LPGAT1: variants seen among roughly 807,000 people sequenced by gnomAD.
The protein encoded by LPGAT1 is lysophosphatidylglycerol acyltransferase 1, also known as acyl-CoA:lysophosphatidylglycerol acyltransferase 1.
A neutral mutation model predicts 47.5 loss-of-function variants in LPGAT1; 11 were observed. That is an observed-to-expected ratio of 0.23 (90% confidence interval 0.15 to 0.38). LPGAT1 has a LOEUF of 0.38. Among genes scored for constraint, LPGAT1 ranks in the 10% least tolerant of loss-of-function variants. The probability of loss-of-function intolerance (pLI) is 1.00; values close to 1 mark genes in which losing one functional copy is unlikely to be tolerated. For synonymous variants in LPGAT1, 138 were observed against 144.2 expected (o/e 0.96, Z 0.31); for missense variants, 293 against 439.0 (o/e 0.67, Z 2.97).
At chr1:211,767,924 T>C (rs1208054789) in intron 6 of LPGAT1, among the ~76,000 whole-genome samples, 1 of 152,202 alleles carries the variant, frequency 6.6e-6, no homozygotes, top group Admixed American at 6.5e-5. Flanking sequence ...CATATATCAT[T>C]ACTGTACCCG....
rs1008749476 is a variant in LPGAT1, at chr1:211,744,985, T to C, written c.*4914A>G. 1 of 152,584 alleles carries C rather than the reference T, an allele frequency of 6.6e-6. No homozygotes were observed. The highest frequency in any genetic ancestry group is 1.5e-5 in the Non-Finnish European group (1 of 68,028). The allele number at this position is 152,584 out of a possible 1,614,324, so 9.5% of individuals were successfully genotyped here. On this transcript the variant is annotated 3_prime_UTR_variant, in exon 8 of 8. Coordinates refer to ENST00000366997, the MANE Select transcript of LPGAT1 (RefSeq NM_014873.3). ...CTGCTAAGAATTAAAAGCACTTTAA[T>C]TGAAAAAAATCAACTTTATTTTTTC...
At chr1:211,829,575 A>G in intron 1 of LPGAT1, 1 of 1,304,800 alleles carries the variant, frequency 7.7e-7, no homozygotes, top group South Asian at 1.8e-5. Context: ...AAATGATAAC[A>G]CAATTCCCAT....
chr1:211,830,345 A>T lies in LPGAT1; in HGVS notation c.-28+228T>A. On this transcript the variant is annotated intron_variant, in intron 1 of 7. Transcript: ENST00000366997. This position sits in a 1 kb window ranked among gnomAD's most constrained non-coding sequence, Gnocchi z 5.9. ...CTCGCGGCTGCCTGCGGACAGAGGG[A>T]CGGCGGGGACTCAGAGGCCGGACCT... is the stretch of plus-strand genomic sequence containing the variant. 8.8e-7 allele frequency: 1 copy of T among 1,139,012 alleles called. No individual in the cohort carries two copies. Among genetic ancestry groups the T allele is most frequent in the Non-Finnish European group, 1.1e-6 (1 of 928,758 alleles). The allele number at this position is 1,139,012 out of a possible 1,614,324, so 70.6% of individuals were successfully genotyped here. A position where few individuals can be genotyped will look rare whatever the true frequency, so the allele number is the denominator to read the frequency against.
intron 6 of LPGAT1, among the ~76,000 whole-genome samples, chr1:211,752,441 C>T (rs1354419270): frequency 6.6e-6 from 1 of 151,286 alleles, no homozygotes; most frequent in African/African-American, 2.4e-5. Flanking sequence ...ACTTCTGCTT[C>T]TTATAGATTA....
At chr1:211,800,035 T>TTTA (rs58672865) in intron 2 of LPGAT1, among the ~76,000 whole-genome samples, 18,068 of 150,922 alleles carry the variant, frequency 0.12, 1,279 homozygotes, top group Non-Finnish European at 0.15. Flanking sequence ...ACTACCATTC[T>TTTA]TTATTATTAT....
intron 6 of LPGAT1, among the ~76,000 whole-genome samples, chr1:211,758,028 C>A (rs1571695958): frequency 1.3e-5 from 2 of 152,198 alleles, no homozygotes. Context: ...GAAAAATGTT[C>A]TGTGCTCACC....
intron 5 of LPGAT1, among the ~76,000 whole-genome samples, chr1:211,782,879 T>C (rs895242615): frequency 3.3e-5 from 5 of 152,248 alleles, no homozygotes; most frequent in Admixed American, 2.0e-4. Flanking sequence ...TCTATAGTTA[T>C]ATCTTTTAGC....
intron 6 of LPGAT1, among the ~76,000 whole-genome samples, chr1:211,758,047 C>T (rs1657537657): frequency 6.6e-6 from 1 of 152,324 alleles, no homozygotes; most frequent in Non-Finnish European, 1.5e-5. Context: ...CCATATAATG[C>T]TAGGCTTACA....
intron 2 of LPGAT1, among the ~76,000 whole-genome samples, chr1:211,807,885 AT>A (rs1659819859): frequency 6.6e-6 from 1 of 152,150 alleles, no homozygotes; most frequent in Non-Finnish European, 1.5e-5. Context: ...AATAACATCA[AT>A]GAACTGGGGA....
At position 211,749,820 on chromosome 1, in the gene LPGAT1, T is replaced by G; in HGVS notation, c.*79A>C. ...TTGCTTTTTTTTAAATATATTCTGATTTGCACATGTAAAATAATGCACACT... is the reference window on the plus strand; with the variant it reads ...TTGCTTTTTTTTAAATATATTCTGAGTTGCACATGTAAAATAATGCACACT... On this transcript the variant is annotated 3_prime_UTR_variant, in exon 8 of 8. Transcript: ENST00000366997. The G allele has an allele frequency of 7.2e-7, 1 of 1,392,298 alleles. No individual in the cohort carries two copies. Among genetic ancestry groups the G allele is most frequent in the Admixed American group, 2.0e-5 (1 of 48,998 alleles). 86.2% of individuals were successfully genotyped at this position (1,392,298 alleles called of 1,614,324 possible). A position where few individuals can be genotyped will look rare whatever the true frequency, so the allele number is the denominator to read the frequency against.
At chr1:211,805,682 C>T (rs1249573574) in intron 2 of LPGAT1, among the ~76,000 whole-genome samples, 1 of 151,898 alleles carries the variant, frequency 6.6e-6, no homozygotes, top group Admixed American at 6.6e-5. Context: ...ATAATTTGGC[C>T]CAGATGGTTT....
chr1:211,825,526 C>T (rs3292), intron 2 of LPGAT1, among the ~76,000 whole-genome samples: 10,398 of 152,100 alleles, frequency 0.068, 418 homozygotes, highest in Non-Finnish European at 0.087. Flanking sequence ...CTGATTTATC[C>T]TAGATCCAAA....
chr1:211,756,871 C>CT (rs1657481051), intron 6 of LPGAT1, among the ~76,000 whole-genome samples: 3 of 129,566 alleles, frequency 2.3e-5, no homozygotes, highest in Non-Finnish European at 3.4e-5. Context: ...TTTTTTTTTT[C>CT]TCTCTTTTTT....
intron 2 of LPGAT1, among the ~76,000 whole-genome samples, chr1:211,810,006 A>T (rs1659909947): frequency 6.6e-6 from 1 of 152,114 alleles, no homozygotes; most frequent in South Asian, 2.1e-4. Flanking sequence ...GAACTGAACT[A>T]TTATATATAG....
chr1:211,817,284 A>G (rs564553586), intron 2 of LPGAT1, among the ~76,000 whole-genome samples: 1 of 152,302 alleles, frequency 6.6e-6, no homozygotes, highest in East Asian at 1.9e-4. Flanking sequence ...TCATAAAACC[A>G]TCCGTCGCTG....
At chr1:211,808,439 C>G (rs1659845718) in intron 2 of LPGAT1, among the ~76,000 whole-genome samples, 1 of 151,462 alleles carries the variant, frequency 6.6e-6, no homozygotes, top group Admixed American at 6.6e-5. Flanking sequence ...GACACTTCAC[C>G]AAAGAGAACA....
intron 4 of LPGAT1, 138 bp downstream of exon 4, chr1:211,787,494 A>C (rs947457541): frequency 2.4e-5 from 9 of 376,926 alleles, no homozygotes; most frequent in Non-Finnish European, 4.8e-6. Context: ...TCTCTCAAAA[A>C]AAAAAAAAAA....
rs1426771608 is a variant in LPGAT1, at chr1:211,744,286, T to G, written c.*5613A>C. 1 of 152,212 alleles carries G rather than the reference T, an allele frequency of 6.6e-6. No individual in the cohort carries two copies. Among genetic ancestry groups the G allele is most frequent in the African/African-American group, 2.4e-5 (1 of 41,456 alleles). 9.4% of individuals were successfully genotyped at this position (152,212 alleles called of 1,614,324 possible). ...GATTCCCAAGACCCAGTGGTCACAT[T>G]TTAGAATTTTGCCTGCAGTTGTTAA... On this transcript the variant is annotated 3_prime_UTR_variant, in exon 8 of 8. Coordinates refer to ENST00000366997, the MANE Select transcript of LPGAT1 (RefSeq NM_014873.3).
intron 6 of LPGAT1, among the ~76,000 whole-genome samples, chr1:211,777,582 T>G (rs1015483687): frequency 6.6e-6 from 1 of 152,070 alleles, no homozygotes; most frequent in Non-Finnish European, 1.5e-5. Context: ...CTAGCATAGA[T>G]AGTCAATAAA....
Sources: allele counts gnomAD v4.1 joint callset (sites outside exome capture counted in the v4.1 genomes callset), GRCh38; gene constraint gnomAD v4.1.1; non-coding constraint Gnocchi (gnomAD v3.1); transcripts MANE v1.5; gene names NCBI Gene and HGNC (gene_info 2026-07-23, HGNC 2026-07-21).